The following SPON1 variants were observed in gnomAD, a reference collection of about 807,000 sequenced individuals.
SPON1 encodes the protein spondin-1.
A neutral mutation model predicts 111.7 loss-of-function variants in SPON1; 52 were observed. The observed-to-expected ratio is 0.47, with a 90% CI of 0.37 to 0.59. The LOEUF is 0.59. Among genes scored for constraint, SPON1 ranks in the 20% least tolerant of loss-of-function variants. SPON1 has a pLI of 0.00. For missense variants in SPON1, 957 were observed against 1,068.5 expected, an observed-to-expected ratio of 0.90 and a Z score of 1.46; for synonymous variants, 410 against 395.8, an observed-to-expected ratio of 1.04 and a Z score of -0.43.
intron 6 of SPON1, among the ~76,000 whole-genome samples, chr11:14,241,383 G>A (rs527434829): frequency 6.6e-6 from 1 of 152,342 alleles, no homozygotes; most frequent in East Asian, 1.9e-4. Flanking sequence ...GTTTTGGCAG[G>A]AGACAGATAC....
chr11:14,084,502 T>C (rs2133834621), intron 5 of SPON1, among the ~76,000 whole-genome samples: 1 of 152,364 alleles, frequency 6.6e-6, no homozygotes, highest in Admixed American at 6.5e-5. Context: ...GGCTGCATAG[T>C]ATTCCATGGT....
At chr11:14,114,244 CTA>C (rs1849250566) in intron 5 of SPON1, among the ~76,000 whole-genome samples, 1 of 152,162 alleles carries the variant, frequency 6.6e-6, no homozygotes, top group Non-Finnish European at 1.5e-5. Flanking sequence ...TCCTTCAACT[CTA>C]TGTCTATGAG....
chr11:14,021,342 G>A (rs573904381), intron 2 of SPON1, among the ~76,000 whole-genome samples: 45 of 152,266 alleles, frequency 3.0e-4, no homozygotes, highest in African/African-American at 1.1e-3. Context: ...CATAGGCCAA[G>A]AGTTCAAAGA....
chr11:14,163,397 G>A (rs1340439109), intron 6 of SPON1, among the ~76,000 whole-genome samples: 1 of 152,114 alleles, frequency 6.6e-6, no homozygotes, highest in Non-Finnish European at 1.5e-5. Context: ...ATAGAACTTG[G>A]GGGCTGGTGG....
chr11:14,204,603 A>G (rs1297741491), intron 6 of SPON1, among the ~76,000 whole-genome samples: 1 of 150,762 alleles, frequency 6.6e-6, no homozygotes, highest in Middle Eastern at 3.3e-3. Context: ...TAAGATTTTC[A>G]ACAAAGAGTC....
intron 3 of SPON1, among the ~76,000 whole-genome samples, chr11:14,058,422 C>G (rs782373140): frequency 2.6e-5 from 4 of 152,030 alleles, no homozygotes. Context: ...GAGAGAAGCA[C>G]AGGGCGGAGT....
chr11:14,239,278 A>G (rs1218984686), intron 6 of SPON1, among the ~76,000 whole-genome samples: 1 of 152,242 alleles, frequency 6.6e-6, no homozygotes, highest in Non-Finnish European at 1.5e-5. Flanking sequence ...AAGAATGATC[A>G]GTAATTTTTG....
chr11:14,139,946 A>G (rs1847634347), intron 6 of SPON1, among the ~76,000 whole-genome samples: 1 of 152,188 alleles, frequency 6.6e-6, no homozygotes, highest in African/African-American at 2.4e-5. Context: ...AGAACTAAAA[A>G]AAGACTAGTG....
intron 2 of SPON1, among the ~76,000 whole-genome samples, chr11:13,995,104 A>G (rs1848261296): frequency 6.6e-6 from 1 of 152,146 alleles, no homozygotes; most frequent in Non-Finnish European, 1.5e-5. Context: ...TGTTCTACCA[A>G]ACTGTAGGGC....
intron 1 of SPON1, among the ~76,000 whole-genome samples, chr11:13,964,712 C>G (rs1049441904): frequency 6.6e-6 from 1 of 152,156 alleles, no homozygotes; most frequent in African/African-American, 2.4e-5. Flanking sequence ...GGCTTGGCAC[C>G]GCGGCTAGAG....
At chr11:14,188,341 C>T (rs1848309637) in intron 6 of SPON1, among the ~76,000 whole-genome samples, 1 of 152,094 alleles carries the variant, frequency 6.6e-6, no homozygotes, top group South Asian at 2.1e-4. Context: ...GTCCTGGACA[C>T]AGTCCAGGAC....
chr11:14,234,677 C>G (rs995468434), intron 6 of SPON1, among the ~76,000 whole-genome samples: 1 of 152,174 alleles, frequency 6.6e-6, no homozygotes, highest in Non-Finnish European at 1.5e-5. Context: ...GGGGCAGGCC[C>G]GGAACAGCTC....
chr11:14,021,967 T>C (rs900067826), intron 2 of SPON1, among the ~76,000 whole-genome samples: 6 of 152,218 alleles, frequency 3.9e-5, no homozygotes, highest in Non-Finnish European at 8.8e-5. Flanking sequence ...TTAAGTCTTT[T>C]GTGCAAGCAT....
intron 7 of SPON1, among the ~76,000 whole-genome samples, chr11:14,250,292 T>TA (rs1554940574): frequency 1.3e-5 from 2 of 152,040 alleles, no homozygotes; most frequent in African/African-American, 2.4e-5. Context: ...TTGAAAAAAT[T>TA]AATATTTCTC....
intron 5 of SPON1, among the ~76,000 whole-genome samples, chr11:14,110,016 C>T (rs1407541472): frequency 6.6e-6 from 1 of 152,204 alleles, no homozygotes; most frequent in Non-Finnish European, 1.5e-5. Context: ...ATACATCAGA[C>T]AGATTCCTTT....
intron 6 of SPON1, among the ~76,000 whole-genome samples, chr11:14,204,447 T>A (rs1554935969): frequency 6.6e-6 from 1 of 151,858 alleles, no homozygotes; most frequent in East Asian, 1.9e-4. Flanking sequence ...TGTGGTCTAA[T>A]TTTTTTATTT....
chr11:14,071,807 G>A (rs934732518), intron 3 of SPON1, among the ~76,000 whole-genome samples: 6 of 152,196 alleles, frequency 3.9e-5, no homozygotes, highest in Non-Finnish European at 7.4e-5. Context: ...CACCTCCTGG[G>A]TTCAAGCGAT....
At chr11:14,232,619 A>G (rs548382378) in intron 6 of SPON1, among the ~76,000 whole-genome samples, 1 of 152,198 alleles carries the variant, frequency 6.6e-6, no homozygotes, top group African/African-American at 2.4e-5. Flanking sequence ...CATTCCTGCA[A>G]GTGCACCCTC....
chr11:14,240,969 G>A (rs1405822441), intron 6 of SPON1, among the ~76,000 whole-genome samples: 2 of 152,070 alleles, frequency 1.3e-5, no homozygotes, highest in African/African-American at 4.8e-5. Flanking sequence ...ACGTACTGAT[G>A]GAAAGTTTCC....
Sources: gnomAD v4.1 joint callset for allele counts (sites outside exome capture counted in the v4.1 genomes callset) on GRCh38, gnomAD v4.1.1 for gene constraint, MANE v1.5 for transcripts, NCBI Gene and HGNC (gene_info 2026-07-23, HGNC 2026-07-21) for gene names.